Variants in NSUN6 observed in about 807,000 individuals in gnomAD.
The protein encoded by NSUN6 is NOP2/Sun RNA methyltransferase 6, also known as tRNA (cytosine(72)-C(5))-methyltransferase NSUN6.
In NSUN6, 64 loss-of-function variants were observed where a neutral mutation model predicts 58.0. The observed-to-expected ratio is 1.10, with a 90% confidence interval of 0.90 to 1.36. The LOEUF (loss-of-function observed/expected upper bound fraction) is 1.36. NSUN6 is among the 40% of genes most tolerant of loss of function. The pLI, the probability that NSUN6 is intolerant of heterozygous loss-of-function variation, is 0.00. For synonymous variants in NSUN6, 231 were observed against 193.9 expected, an observed-to-expected ratio of 1.19 and a Z score of -1.59; for missense variants, 701 against 550.1, an observed-to-expected ratio of 1.27 and a Z score of -2.74.
At chr10:18,594,688 A>T (rs527462967) in intron 7 of NSUN6, among the ~76,000 whole-genome samples, 2 of 152,108 alleles carry the variant, frequency 1.3e-5, no homozygotes, top group African/African-American at 4.8e-5. Flanking sequence ...TAACCTCGTG[A>T]TCCAATTGTG....
chr10:18,604,085 A>G (rs991620195), intron 6 of NSUN6, among the ~76,000 whole-genome samples: 1 of 152,066 alleles, frequency 6.6e-6, no homozygotes, highest in Non-Finnish European at 1.5e-5. Flanking sequence ...GGGAGGCTGA[A>G]GCAGGAGAAT....
At chr10:18,656,797 A>C (rs1035388759), upstream of NSUN6, among the ~76,000 whole-genome samples, 4 of 150,460 alleles carry the variant, frequency 2.7e-5, no homozygotes, top group African/African-American at 9.8e-5. Flanking sequence ...ATGAACACTT[A>C]AGAAAATTAG....
At chr10:18,604,888 T>C (rs959117378) in intron 6 of NSUN6, among the ~76,000 whole-genome samples, 6 of 150,004 alleles carry the variant, frequency 4.0e-5, no homozygotes, top group African/African-American at 1.2e-4. Context: ...TCTTTCTTTT[T>C]TTTTTTTTTC....
rs2055042733 is a variant in NSUN6, at chr10:18,556,603, T to C, written c.923-4632A>G. ...GGATGGTGTGGAGAATGGAATGGAA[T>C]AGACAATGGAATGGAATGGACATGG... is the stretch of plus-strand genomic sequence containing the variant. On this transcript the variant is annotated intron_variant, in intron 8 of 10. Transcript: ENST00000377304. Among the ~76,000 whole-genome samples the C allele has an allele frequency of 2.7e-5, 4 of 148,060 alleles. No individual in the cohort carries two copies. In the South Asian group the frequency reaches 8.5e-4, roughly 31 times the overall value.
intron 8 of NSUN6, among the ~76,000 whole-genome samples, chr10:18,578,229 C>CTGTTT (rs766893679): frequency 1.2e-5 from 1 of 84,200 alleles, no homozygotes; most frequent in Non-Finnish European, 2.4e-5. Context: ...TTCTCTAAGC[C>CTGTTT]TATTTTTTTT....
rs138195837 is a variant in NSUN6, at chr10:18,570,822, C to T, written c.922+15127G>A. Among the ~76,000 whole-genome samples, 748 of 150,328 alleles carry T rather than the reference C, an allele frequency of 5.0e-3. 4 individuals carry two copies. The highest frequency in any genetic ancestry group is 0.018 in the African/African-American group (721 of 41,030). ...ACCATCCTCCATTCCACTCTATTCA[C>T]CACTGCATTCCATCCCATTCTCTAT... On this transcript the variant is annotated intron_variant, in intron 8 of 10. Transcript: ENST00000377304.
chr10:18,557,830 G>A (rs2055160246), intron 8 of NSUN6, among the ~76,000 whole-genome samples: 1 of 150,368 alleles, frequency 6.7e-6, no homozygotes, highest in Admixed American at 6.7e-5. Context: ...ATGGAATGGA[G>A]GATTAAATAG....
chr10:18,600,852 T>C (rs1259241920), intron 6 of NSUN6, among the ~76,000 whole-genome samples: 3 of 144,076 alleles, frequency 2.1e-5, no homozygotes, highest in Non-Finnish European at 4.5e-5. Context: ...CTCTCAAAAC[T>C]GGGAGGCGAA....
At chr10:18,600,962 A>ATGTG (rs1491577919) in intron 6 of NSUN6, among the ~76,000 whole-genome samples, 1 of 74,890 alleles carries the variant, frequency 1.3e-5, no homozygotes, top group East Asian at 3.5e-4. Context: ...ATATATATAC[A>ATGTG]TATATATATA....
chr10:18,569,758 A>G (rs976748563), intron 8 of NSUN6, among the ~76,000 whole-genome samples: 2 of 148,568 alleles, frequency 1.3e-5, no homozygotes, highest in African/African-American at 5.0e-5. Context: ...CCCATTCTCC[A>G]TTTCATTCTA....
chr10:18,562,814 G>A (rs62648428), intron 8 of NSUN6, among the ~76,000 whole-genome samples: 1 of 34,694 alleles, frequency 2.9e-5, no homozygotes, highest in African/African-American at 1.3e-4. Flanking sequence ...TGGAATGAAA[G>A]GGAGGATGGA....
intron 4 of NSUN6, 54 bp from the exon 5 acceptor site, chr10:18,614,667 G>A (rs574543636): frequency 3.6e-5 from 35 of 980,714 alleles, no homozygotes; most frequent in South Asian, 2.3e-4. Context: ...CAGAAGAATC[G>A]TGAAAATTAT....
upstream of NSUN6, chr10:18,658,695 CT>C (rs2059804923): frequency 2.0e-6 from 2 of 978,066 alleles, no homozygotes; most frequent in Non-Finnish European, 2.4e-6. Flanking sequence ...CCAATCAATT[CT>C]TTTCAGAACT....
intron 3 of NSUN6, among the ~76,000 whole-genome samples, chr10:18,616,877 G>C (rs1025595637): frequency 2.6e-5 from 4 of 152,114 alleles, no homozygotes; most frequent in African/African-American, 7.2e-5. Flanking sequence ...CCTTAACAAT[G>C]AGTCTCTAAT....
At chr10:18,657,816 G>C (rs11015421), upstream of NSUN6, among the ~76,000 whole-genome samples, 52,640 of 151,694 alleles carry the variant, frequency 0.35, 9,678 homozygotes, top group East Asian at 0.73. Context: ...GTTTCACCAT[G>C]TTGGCCAGGA....
In NSUN6 at chr10:18,627,185, T is replaced by G. The variant is rs186204646; in HGVS notation, c.312-10892A>C. Among the ~76,000 whole-genome samples the G allele has an allele frequency of 9.3e-4, 141 of 152,278 alleles. 3 individuals are homozygous for G. The East Asian group carries it at 0.025, about 27-fold the overall frequency. The stretch of plus-strand genomic sequence containing the variant: ...ACCTGAAATCTCGTCTTAAGTAAAC[T>G]GAAGAAACCAAAATTTTATTTTAAA... On this transcript the variant is annotated intron_variant, in intron 3 of 10. Coordinates refer to ENST00000377304, the MANE Select transcript of NSUN6 (RefSeq NM_182543.5).
At chr10:18,555,106 G>C (rs938350757) in intron 8 of NSUN6, among the ~76,000 whole-genome samples, 8 of 149,176 alleles carry the variant, frequency 5.4e-5, no homozygotes, top group Admixed American at 3.4e-4. Flanking sequence ...ATGGAGTGAA[G>C]AATGGCATGA....
At chr10:18,558,031 A>C (rs1182484365) in intron 8 of NSUN6, among the ~76,000 whole-genome samples, 6 of 151,358 alleles carry the variant, frequency 4.0e-5, no homozygotes, top group Non-Finnish European at 8.9e-5. Flanking sequence ...AATGAAATAG[A>C]ATGGAGAATG....
At chr10:18,575,360 GCTGT>G (rs1226152738) in intron 8 of NSUN6, among the ~76,000 whole-genome samples, 1 of 152,154 alleles carries the variant, frequency 6.6e-6, no homozygotes, top group Non-Finnish European at 1.5e-5. Context: ...TCTCCAATAG[GCTGT>G]CTAAAATATT....
Sources: allele counts gnomAD v4.1 joint callset (sites outside exome capture counted in the v4.1 genomes callset), GRCh38; gene constraint gnomAD v4.1.1; transcripts MANE v1.5; gene names NCBI Gene and HGNC (gene_info 2026-07-23, HGNC 2026-07-21).